Variants in DRC1 observed in about 807,000 individuals in gnomAD.
DRC1 encodes the protein dynein regulatory complex protein 1.
A neutral mutation model predicts 98.7 loss-of-function variants in DRC1; 74 were observed. The observed-to-expected ratio is 0.75, with a 90% confidence interval of 0.62 to 0.91. The LOEUF is 0.91. Among genes scored for constraint, DRC1 ranks in the 40% least tolerant of loss-of-function variants. DRC1 has a pLI of 0.00. For missense variants in DRC1, 875 were observed against 886.0 expected, an observed-to-expected ratio of 0.99 and a Z score of 0.16; for synonymous variants, 336 against 334.1, an observed-to-expected ratio of 1.01 and a Z score of -0.06.
At chr2:26,414,536 C>A in intron 2 of DRC1, 105 bp downstream of exon 2, 1 of 1,038,204 alleles carries the variant, frequency 9.6e-7, no homozygotes, top group Non-Finnish European at 1.4e-6. Context: ...ATGTTGCTGT[C>A]TCTAGGCAGA....
chr2:26,440,346 T>C (rs1663685404), intron 7 of DRC1, 32 bp from the exon 8 acceptor site: 2 of 879,266 alleles, frequency 2.3e-6, no homozygotes, highest in East Asian at 7.3e-5. Flanking sequence ...TGTGTGTGTG[T>C]ATATATATAT....
Position 26,455,192 on chromosome 2 carries a change from ACAGAGCTG to A in DRC1, c.2129_2136del (p.Glu710GlyfsTer14), listed in dbSNP as rs1664113068. ...AAACAGTTCTCTGGAGCAGCAGAACACAGAGCTGCAGGCGCTACTGCAGCAGTATCTGA... is the reference window on the plus strand; with the variant it reads ...AAACAGTTCTCTGGAGCAGCAGAACACAGGCGCTACTGCAGCAGTATCTGA... On this transcript the variant is annotated frameshift_variant, in exon 16 of 17. Coordinates refer to ENST00000288710, the MANE Select transcript of DRC1 (RefSeq NM_145038.5). LOFTEE classifies it high-confidence loss of function. 1 of 1,613,974 alleles carries A rather than the reference ACAGAGCTG, an allele frequency of 6.2e-7. No homozygotes were observed. The highest frequency in any genetic ancestry group is 1.7e-5 in the Admixed American group (1 of 60,008).
chr2:26,442,748 C>T (rs1286088646), intron 8 of DRC1, among the ~76,000 whole-genome samples: 3 of 152,172 alleles, frequency 2.0e-5, no homozygotes, highest in African/African-American at 7.2e-5. Flanking sequence ...CCAGACTTGC[C>T]TCTGCTCCCT....
At chr2:26,408,823 C>T (rs1396936498) in intron 1 of DRC1, among the ~76,000 whole-genome samples, 3 of 152,082 alleles carry the variant, frequency 2.0e-5, no homozygotes, top group African/African-American at 7.2e-5. Context: ...ATCGGGTTTG[C>T]TCACAAAGCA....
intron 6 of DRC1, 135 bp from the exon 7 acceptor site, chr2:26,431,749 T>G: frequency 7.0e-7 from 1 of 1,431,160 alleles, no homozygotes. Context: ...TCAGGACTTC[T>G]GAAAGCCACC....
At chr2:26,422,691 G>A (rs534172804) in intron 3 of DRC1, among the ~76,000 whole-genome samples, 43 of 152,164 alleles carry the variant, frequency 2.8e-4, no homozygotes, top group Non-Finnish European at 4.1e-4. Context: ...CGAGGAAGGC[G>A]GATTGCTTGA....
At position 26,453,463 on chromosome 2, in the gene DRC1, G is replaced by A. The variant is rs770534903; in HGVS notation, c.1833G>A (p.Glu611=). 8 of 1,613,862 alleles carry A rather than the reference G, an allele frequency of 5.0e-6. No homozygotes were observed. The South Asian group carries it at 7.7e-5, about 16-fold the overall frequency. The change falls in exon 14 of 17, where the codon GAG becomes GAA. Residue 611 remains glutamate (E), a synonymous_variant. Coordinates refer to ENST00000288710, the MANE Select transcript of DRC1 (RefSeq NM_145038.5). ...TGGAAGGGGAGAAGGAGGAAGAGGA[G>A]GAGACCCCACCCTCCCCCTGGGTCA... ...SLVEGEKEEE[E]ETPPSPWVIH...
In DRC1 at chr2:26,453,498, AT is replaced by A. The variant is rs1558456931; in HGVS notation, c.1869del (p.Asn623LysfsTer14). ...TPPSPWVIHP[N>X]DVLKILEAFV... Reference sequence around the variant, plus strand: ...CCCTCCCCCTGGGTCATCCACCCCAATGATGTCCTCAAGATTCTGGAGGCCT... The same window carrying A: ...CCCTCCCCCTGGGTCATCCACCCCAAGATGTCCTCAAGATTCTGGAGGCCT... On this transcript the variant is annotated frameshift_variant, in exon 14 of 17. Transcript: ENST00000288710. LOFTEE classifies it high-confidence loss of function. The A allele has an allele frequency of 6.2e-7, 1 of 1,614,206 alleles. No homozygotes were observed. Among genetic ancestry groups the A allele is most frequent in the South Asian group, 1.1e-5 (1 of 91,080 alleles).
intron 12 of DRC1, 112 bp from the exon 13 acceptor site, chr2:26,450,480 A>G (rs1446521682): frequency 1.8e-5 from 16 of 885,238 alleles, no homozygotes; most frequent in Non-Finnish European, 2.8e-5. Context: ...CGTTGGATGA[A>G]TGCCCTCCAC....
chr2:26,430,442 G>A (rs955091036), intron 5 of DRC1: 3 of 466,072 alleles, frequency 6.4e-6, no homozygotes, highest in Non-Finnish European at 1.3e-5. Context: ...GGCAACGAAC[G>A]CATCAGTGGT....
chr2:26,455,709 T>C (rs781354235), intron 16 of DRC1, among the ~76,000 whole-genome samples: 134 of 152,368 alleles, frequency 8.8e-4, no homozygotes, highest in Non-Finnish European at 1.6e-3. Flanking sequence ...GTTCCCTGCC[T>C]GGGATATGAC....
intron 11 of DRC1, 122 bp downstream of exon 11, chr2:26,448,925 G>T: frequency 2.0e-6 from 2 of 1,007,806 alleles, no homozygotes; most frequent in South Asian, 1.5e-5. Context: ...CCAAGCCCAG[G>T]GTTGGGCCCT....
At chr2:26,411,623 C>G (rs936731831) in intron 1 of DRC1, among the ~76,000 whole-genome samples, 1 of 151,768 alleles carries the variant, frequency 6.6e-6, no homozygotes, top group African/African-American at 2.4e-5. Context: ...ATGGTGAAAC[C>G]CCATCTTTAC....
At chr2:26,415,779 G>A (rs1441350835) in intron 2 of DRC1, among the ~76,000 whole-genome samples, 2 of 152,054 alleles carry the variant, frequency 1.3e-5, no homozygotes, top group Non-Finnish European at 2.9e-5. Flanking sequence ...TAAAAATACA[G>A]AAGTTGGCTG....
In DRC1 at chr2:26,450,616, G is replaced by T; in HGVS notation, c.1624G>T (p.Asp542Tyr). 6.2e-7 allele frequency: 1 copy of T among 1,612,092 alleles called. No homozygotes were observed. The highest frequency in any genetic ancestry group is 1.1e-5 in the South Asian group (1 of 90,754). The part of the protein sequence containing the change: ...FSALGIESED[D>Y]LYKLVNFFLK... ...GGCCCTTGGAATTGAAAGTGAGGAT[G>T]ACTTGTATAAACTGGTGAACTTCTT... Residue 542 changes from aspartate to tyrosine, a missense_variant, in exon 13 of 17, where the codon GAC (aspartate) becomes TAC (tyrosine). Physicochemically the swap from Asp to Tyr is radical, Grantham distance 160. Transcript: ENST00000288710.
chr2:26,413,361 C>G (rs941155990), intron 1 of DRC1, among the ~76,000 whole-genome samples: 3 of 152,098 alleles, frequency 2.0e-5, no homozygotes, highest in Non-Finnish European at 4.4e-5. Context: ...GTAAAAAATT[C>G]CTAAAGAAAG....
chr2:26,455,911 A>G (rs1664150576), intron 16 of DRC1, among the ~76,000 whole-genome samples: 1 of 142,976 alleles, frequency 7.0e-6, no homozygotes. Flanking sequence ...GTAGGCCAGG[A>G]AGGTCGTGAC....
At chr2:26,404,442 C>T (rs1278549006) in intron 1 of DRC1, among the ~76,000 whole-genome samples, 1 of 152,216 alleles carries the variant, frequency 6.6e-6, no homozygotes. Context: ...TACAAATTTG[C>T]TCTAGTGAAG....
intron 5 of DRC1, 124 bp from the exon 6 acceptor site, chr2:26,430,662 T>C (rs769643910): frequency 1.0e-6 from 1 of 991,338 alleles, no homozygotes; most frequent in East Asian, 2.4e-5. Flanking sequence ...AGGTCTGAAT[T>C]TGGATTTGAC....
Sources: gnomAD v4.1 joint callset for allele counts (sites outside exome capture counted in the v4.1 genomes callset) on GRCh38, gnomAD v4.1.1 for gene constraint, MANE v1.5 for transcripts, NCBI Gene and HGNC (gene_info 2026-07-23, HGNC 2026-07-21) for gene names.